The following JPH2 variants were observed in gnomAD, a reference collection of about 807,000 sequenced individuals.
JPH2 encodes junctophilin-2.
JPH2 carries 38 observed loss-of-function variants against 55.9 expected under a neutral mutation model. The ratio of observed to expected loss-of-function variants is 0.68; its 90% CI spans 0.52 to 0.89. JPH2 has a LOEUF of 0.89. JPH2 is among the 40% of genes least tolerant of loss of function. JPH2 has a pLI of 0.00. For synonymous variants in JPH2, 480 were observed against 472.4 expected, an observed-to-expected ratio of 1.02 and a Z score of -0.21; for missense variants, 964 against 1,037.6, an observed-to-expected ratio of 0.93 and a Z score of 0.97.
At chr20:44,122,366 C>T (rs917582368) in intron 2 of JPH2, among the ~76,000 whole-genome samples, 6 of 151,980 alleles carry the variant, frequency 3.9e-5, no homozygotes, top group African/African-American at 1.2e-4. Context: ...ATGAGATGAC[C>T]GAGGCACTCG....
At chr20:44,124,886 T>A (rs528928949) in intron 2 of JPH2, among the ~76,000 whole-genome samples, 4 of 151,436 alleles carry the variant, frequency 2.6e-5, no homozygotes, top group African/African-American at 9.7e-5. Flanking sequence ...GGCGGGTGGA[T>A]CACTTGAGAC....
At chr20:44,125,432 C>T (rs1021697077) in intron 2 of JPH2, among the ~76,000 whole-genome samples, 2 of 152,232 alleles carry the variant, frequency 1.3e-5, no homozygotes, top group Non-Finnish European at 2.9e-5. Context: ...TGTGTAAACA[C>T]ATATGGCCTC....
chr20:44,118,441 G>A, intron 3 of JPH2, 64 bp downstream of exon 3: 1 of 1,264,648 alleles, frequency 7.9e-7, no homozygotes, highest in South Asian at 1.2e-5. Flanking sequence ...ATTCCAGTAA[G>A]CAAAGAAAAG....
intron 2 of JPH2, among the ~76,000 whole-genome samples, chr20:44,129,557 AAAAAAAAAAAAAC>A (rs1340447889): frequency 6.3e-4 from 72 of 114,582 alleles, no homozygotes; most frequent in African/African-American, 2.2e-3. Flanking sequence ...TGTCTCAAAA[AAAAAAAAAAAAAC>A]AAAAAAAACA....
rs536966497 is a variant in JPH2 at position 44,109,690 on chromosome 20, T to G, written c.*3828A>C. ...CATGCAAGTTTTATGTTTTACAGTTTAGGTATTATTTGTATTCTGAGTCAC... is the reference window on the plus strand; with the variant it reads ...CATGCAAGTTTTATGTTTTACAGTTGAGGTATTATTTGTATTCTGAGTCAC... On this transcript the variant is annotated 3_prime_UTR_variant, in exon 6 of 6. Coordinates refer to ENST00000372980, the MANE Select transcript of JPH2 (RefSeq NM_020433.5). 6.6e-6 allele frequency among the ~76,000 whole-genome samples: 1 copy of G among 152,302 alleles called. No individual in the cohort carries two copies. The highest frequency in any genetic ancestry group is 1.9e-4 in the East Asian group (1 of 5,182).
intron 2 of JPH2, among the ~76,000 whole-genome samples, chr20:44,125,410 G>A (rs6031406): frequency 0.071 from 10,836 of 152,136 alleles, 488 homozygotes; most frequent in African/African-American, 0.13. Flanking sequence ...CCAGCCTTAC[G>A]CCATGGCCTC....
At chr20:44,131,105 G>A (rs948162930) in intron 2 of JPH2, among the ~76,000 whole-genome samples, 2 of 152,166 alleles carry the variant, frequency 1.3e-5, no homozygotes, top group African/African-American at 2.4e-5. Flanking sequence ...CCCCCTGAGT[G>A]TGGGCTGGAC....
At chr20:44,137,895 G>A (rs6103643) in intron 2 of JPH2, among the ~76,000 whole-genome samples, 85,585 of 152,028 alleles carry the variant, frequency 0.56, 24,174 homozygotes, top group East Asian at 0.67. Context: ...CAGTGTCTCT[G>A]AAGGATGGGA....
intron 1 of JPH2, among the ~76,000 whole-genome samples, chr20:44,185,786 C>T (rs151154979): frequency 8.7e-5 from 13 of 149,552 alleles, no homozygotes; most frequent in East Asian, 5.9e-4. Context: ...AGCATGAATG[C>T]GTGGGTGGGT....
chr20:44,125,532 G>A (rs1035358200), intron 2 of JPH2, among the ~76,000 whole-genome samples: 1 of 152,142 alleles, frequency 6.6e-6, no homozygotes, highest in Non-Finnish European at 1.5e-5. Flanking sequence ...TGCCTTCCTG[G>A]TACCACTTCT....
intron 2 of JPH2, among the ~76,000 whole-genome samples, chr20:44,144,655 A>G (rs550907658): frequency 1.3e-5 from 2 of 152,170 alleles, no homozygotes; most frequent in South Asian, 4.1e-4. Flanking sequence ...TTCCCTCCCC[A>G]CCGTGGTGAA....
At chr20:44,124,206 C>G (rs2072260157) in intron 2 of JPH2, among the ~76,000 whole-genome samples, 1 of 152,136 alleles carries the variant, frequency 6.6e-6, no homozygotes, top group African/African-American at 2.4e-5. Context: ...CCACCCTGGC[C>G]TCCTTTCCCC....
intron 1 of JPH2, among the ~76,000 whole-genome samples, chr20:44,174,105 A>G (rs962402500): frequency 1.3e-5 from 2 of 152,152 alleles, no homozygotes; most frequent in Non-Finnish European, 2.9e-5. Context: ...GCCACACCCA[A>G]TTAGCCAGTG....
chr20:44,175,719 G>A (rs1337745204), intron 1 of JPH2, among the ~76,000 whole-genome samples: 2 of 152,242 alleles, frequency 1.3e-5, no homozygotes, highest in African/African-American at 2.4e-5. Context: ...CCCAGAAGCA[G>A]GGGATTAACC....
intron 2 of JPH2, among the ~76,000 whole-genome samples, chr20:44,150,827 A>G (rs1373753518): frequency 2.0e-5 from 3 of 152,036 alleles, no homozygotes; most frequent in African/African-American, 4.8e-5. Context: ...GGAGTTCAAG[A>G]CTAGCCTGGG....
intron 1 of JPH2, among the ~76,000 whole-genome samples, chr20:44,167,366 A>G (rs535215671): frequency 1.7e-4 from 26 of 152,184 alleles, no homozygotes; most frequent in Non-Finnish European, 3.5e-4. Context: ...CTCGGTAAGC[A>G]TCCGATGAAT....
In JPH2 at chr20:44,132,355, GACACACACACAC is replaced by G. The variant is rs749014190; in HGVS notation, c.1170-13744_1170-13733del. 6.1e-3 allele frequency among the ~76,000 whole-genome samples: 621 copies of G among 101,274 alleles called. 4 individuals are homozygous for G. Among genetic ancestry groups the G allele is most frequent in the African/African-American group, 0.019 (562 of 28,852 alleles). The allele number at this position is 101,274 out of a possible 152,430, so 66.4% of individuals were successfully genotyped here. A position where few individuals can be genotyped will look rare whatever the true frequency, so the allele number is the denominator to read the frequency against. ...GAGGTGGAAGGGAGGCAGACAGACA[GACACACACACAC>G]ACACACACACACACACACACACACA... On this transcript the variant is annotated intron_variant, in intron 2 of 5. Coordinates refer to ENST00000372980, the MANE Select transcript of JPH2 (RefSeq NM_020433.5).
At chr20:44,121,313 A>G (rs1050800054) in intron 2 of JPH2, among the ~76,000 whole-genome samples, 1 of 151,894 alleles carries the variant, frequency 6.6e-6, no homozygotes, top group Non-Finnish European at 1.5e-5. Flanking sequence ...CAGAGTGTCC[A>G]CTCTCTACAG....
intron 5 of JPH2, 38 bp from the exon 6 acceptor site, chr20:44,113,541 A>C (rs1040891011): frequency 6.6e-6 from 1 of 152,330 alleles, no homozygotes; most frequent in African/African-American, 2.4e-5. Context: ...CAAGGGAGGG[A>C]GGGCAGAGGC....
Sources: allele counts gnomAD v4.1 joint callset (sites outside exome capture counted in the v4.1 genomes callset), GRCh38; gene constraint gnomAD v4.1.1; transcripts MANE v1.5; gene names NCBI Gene and HGNC (gene_info 2026-07-23, HGNC 2026-07-21).